TEDC1: variants seen among roughly 807,000 people sequenced by gnomAD.
TEDC1 encodes tubulin epsilon and delta complex 1.
Under a neutral mutation model 59.9 loss-of-function variants are expected in TEDC1, and 54 were observed. The observed-to-expected ratio is 0.90, with a 90% CI of 0.72 to 1.13. The LOEUF is 1.13. TEDC1 is among the 50% of genes most tolerant of loss of function. The pLI is 0.00. For missense variants in TEDC1, 734 were observed against 683.4 expected (o/e 1.07, Z -0.83); for synonymous variants, 353 against 298.1 (o/e 1.18, Z -1.90).
chr14:105,491,452 T>G lies in TEDC1; in HGVS notation c.77T>G (p.Leu26Trp), dbSNP rs1555439234. ...GCCCTGCCTGAGGCCATCGCCGCGT[T>G]GAGTCGGTCGCTGCCCTCGGGACCC... The part of the protein sequence containing the change: ...AGALPEAIAA[L>W]SRSLPSGPSP... Residue 26 changes from leucine to tryptophan, a missense_variant, in exon 1 of 9, where the codon TTG becomes TGG. Coordinates refer to ENST00000392523, the MANE Select transcript of TEDC1 (RefSeq NM_001367178.1). 2 of 1,458,644 alleles carry G rather than the reference T, an allele frequency of 1.4e-6. No homozygotes were observed. The highest frequency in any genetic ancestry group is 1.8e-6 in the Non-Finnish European group (2 of 1,109,582). 90.4% of individuals were successfully genotyped at this position (1,458,644 alleles called of 1,614,324 possible).
At chr14:105,494,113 C>T (rs2084287030) in intron 5 of TEDC1, 180 bp downstream of exon 5, 6 of 612,470 alleles carry the variant, frequency 9.8e-6, no homozygotes, top group African/African-American at 1.9e-5. Flanking sequence ...CTCTGGGCCT[C>T]TCCTAGCCTC....
At chr14:105,497,693 G>A (rs2084378685) in intron 7 of TEDC1, 105 bp from the exon 8 acceptor site, 3 of 1,358,908 alleles carry the variant, frequency 2.2e-6, no homozygotes, top group African/African-American at 2.9e-5. Flanking sequence ...TGAGATGGTG[G>A]CATCCAGCCC....
intron 6 of TEDC1, 60 bp downstream of exon 6, chr14:105,496,146 G>GGGGGGGGGGGGGGGCCCCCCCC: frequency 3.0e-6 from 1 of 331,608 alleles, no homozygotes; most frequent in Non-Finnish European, 5.9e-6. Flanking sequence ...GGGTGGGAGG[G>GGGGGGGGGGGGGGGCCCCCCCC]GGTGGCGAGG....
chr14:105,493,783 G>T, intron 4 of TEDC1, 52 bp from the exon 5 acceptor site: 1 of 1,319,724 alleles, frequency 7.6e-7, no homozygotes, highest in Non-Finnish European at 1.1e-6. Flanking sequence ...ACTCAGCGTT[G>T]GGGGAGGTGC....
At chr14:105,491,552 G>A in intron 1 of TEDC1, 30 bp downstream of exon 1, 1 of 1,532,080 alleles carries the variant, frequency 6.5e-7, no homozygotes, top group Non-Finnish European at 8.8e-7. Context: ...CAGGCGGGCC[G>A]GGTGGGGTCC....
At chr14:105,492,449 A>G in intron 3 of TEDC1, 130 bp from the exon 4 acceptor site, 1 of 1,474,266 alleles carries the variant, frequency 6.8e-7, no homozygotes, top group Non-Finnish European at 9.1e-7. Flanking sequence ...TGCCCAGCTG[A>G]AAGCACGGAG....
At chr14:105,490,960 C>A, upstream of TEDC1, 1 of 1,381,696 alleles carries the variant, frequency 7.2e-7, no homozygotes, top group Non-Finnish European at 1.0e-6. Context: ...GCGGACTCTG[C>A]GGTGTTCTCC....
chr14:105,495,627 C>T (rs929513876), intron 5 of TEDC1: 27 of 466,910 alleles, frequency 5.8e-5, no homozygotes, highest in African/African-American at 3.0e-4. Context: ...AGCATCCGGG[C>T]GTCCTGGTCT....
Position 105,492,387 on chromosome 14 carries a change from C to T in TEDC1, c.429+78C>T, listed in dbSNP as rs1217919805. The T allele has an allele frequency of 8.3e-6, 13 of 1,562,056 alleles. No individual in the cohort carries two copies. In the East Asian group the frequency reaches 2.5e-4, roughly 30 times the overall value. ...CAGAGCAAGGGCAGGCCTGGGTCAG[C>T]CCCCTCTGTCTGCTTTGCTCCTCAG... On this transcript the variant is annotated intron_variant, in intron 3 of 8. Transcript: ENST00000392523.
At chr14:105,491,551 C>G in intron 1 of TEDC1, 29 bp downstream of exon 1, 2 of 1,531,624 alleles carry the variant, frequency 1.3e-6, no homozygotes, top group Non-Finnish European at 1.8e-6. Context: ...GCAGGCGGGC[C>G]GGGTGGGGTC....
chr14:105,490,602 G>C (rs1255432501), upstream of TEDC1: 1 of 153,168 alleles, frequency 6.5e-6, no homozygotes, highest in Admixed American at 6.5e-5. Context: ...GCTGCCGCGG[G>C]CGGGCGAGGA....
At position 105,497,406 on chromosome 14, in the gene TEDC1, C is replaced by T. The variant is rs200479980; in HGVS notation, c.941C>T (p.Ala314Val). 4.5e-5 allele frequency: 70 copies of T among 1,551,906 alleles called. No homozygotes were observed. The highest frequency in any genetic ancestry group is 5.3e-5 in the Non-Finnish European group (61 of 1,149,042). Residue 314 changes from alanine to valine, a missense_variant, in exon 7 of 9, where the codon GCG becomes GTG. Transcript: ENST00000392523. The stretch of plus-strand genomic sequence containing the variant: ...AACCAGCGCCTGGAGGCTGTCCTGG[C>T]GTGGCGGCGCTCTGAGCTGGTCTTC... Reference protein sequence around the residue: ...RENQRLEAVLAWRRSELVFWR... With the variant: ...RENQRLEAVLVWRRSELVFWR...
chr14:105,495,772 C>A, intron 5 of TEDC1, 108 bp from the exon 6 acceptor site: 1 of 941,884 alleles, frequency 1.1e-6, no homozygotes, highest in Non-Finnish European at 1.6e-6. Context: ...TGTGGGACCA[C>A]CCTCTGTGGT....
Position 105,491,690 on chromosome 14 carries a change from G to T in TEDC1, c.216G>T (p.Ser72=). The change falls in exon 2 of 9, where the codon TCG becomes TCT. Residue 72 remains serine (S), a synonymous_variant. Transcript: ENST00000392523. ...SPLPAGNALA[S]LALEVQARLV... is the part of the protein sequence containing the mutation. ...TCCCTGCGGGCAACGCCTTGGCATC[G>T]CTCGCCCTGGGTAAGCCCCGCTCCT... 1 of 1,548,720 alleles carries T rather than the reference G, an allele frequency of 6.5e-7. No individual in the cohort carries two copies. Among genetic ancestry groups the T allele is most frequent in the East Asian group, 2.4e-5 (1 of 40,900 alleles).
intron 8 of TEDC1, 39 bp from the exon 9 acceptor site, chr14:105,498,578 C>T (rs782262218): frequency 6.7e-7 from 1 of 1,499,766 alleles, no homozygotes; most frequent in South Asian, 1.3e-5. Context: ...AGGCCAGTGT[C>T]CTGGGGGGAC....
At chr14:105,492,880 A>G in intron 4 of TEDC1, 146 bp downstream of exon 4, 2 of 1,198,866 alleles carry the variant, frequency 1.7e-6, no homozygotes, top group East Asian at 2.6e-5. Flanking sequence ...CCAAAGCCTG[A>G]GCCCGTGGTT....
At chr14:105,497,267 G>T (rs921513446) in intron 6 of TEDC1, 90 bp from the exon 7 acceptor site, 16 of 1,289,558 alleles carry the variant, frequency 1.2e-5, no homozygotes, top group Admixed American at 6.0e-5. Context: ...GCGTTGGGCC[G>T]GGTGTCGGCG....
intron 8 of TEDC1, among the ~76,000 whole-genome samples, 153 bp from the exon 9 acceptor site, chr14:105,498,463 TC>T (rs2084396262): frequency 6.6e-6 from 1 of 152,244 alleles, no homozygotes; most frequent in African/African-American, 2.4e-5. Context: ...GGCATGATTT[TC>T]CCCTTAAAAT....
At chr14:105,492,426 A>C in intron 3 of TEDC1, 117 bp downstream of exon 3, 1 of 1,500,760 alleles carries the variant, frequency 6.7e-7, no homozygotes, top group Non-Finnish European at 8.9e-7. Context: ...AGTCCCATGA[A>C]GGGTTACCCA....
Sources: gnomAD v4.1 joint callset for allele counts (sites outside exome capture counted in the v4.1 genomes callset) on GRCh38, gnomAD v4.1.1 for gene constraint, MANE v1.5 for transcripts, NCBI Gene and HGNC (gene_info 2026-07-23, HGNC 2026-07-21) for gene names.